Variants in FRK observed in about 807,000 individuals in gnomAD.
The protein encoded by FRK is tyrosine-protein kinase FRK.
A neutral mutation model predicts 56.4 loss-of-function variants in FRK; 51 were observed. The ratio of observed to expected loss-of-function variants is 0.90; its 90% confidence interval spans 0.72 to 1.14. The LOEUF (loss-of-function observed/expected upper bound fraction) is 1.14, where lower values mean the gene tolerates loss of function less well. Among genes scored for constraint, FRK ranks in the 50% most tolerant of loss-of-function variants. FRK has a pLI of 0.00. For missense variants in FRK, 570 were observed against 601.4 expected (o/e 0.95, Z 0.55); for synonymous variants, 245 against 217.9 (o/e 1.12, Z -1.10).
intron 4 of FRK, among the ~76,000 whole-genome samples, chr6:115,958,104 C>T (rs1196799062): frequency 1.3e-5 from 2 of 152,156 alleles, no homozygotes; most frequent in Non-Finnish European, 1.5e-5. Context: ...TCCATCAATT[C>T]CATCTCTACC....
chr6:115,937,594 A>G lies in FRK; in HGVS notation c.*4820T>C, dbSNP rs2114494169. Reference sequence around the variant, plus strand: ...CAGGAGACCCATCTCACATGCAAAGAGACACACAGGCTCAAGATAAAGGGA... The same window carrying G: ...CAGGAGACCCATCTCACATGCAAAGGGACACACAGGCTCAAGATAAAGGGA... On this transcript the variant is annotated 3_prime_UTR_variant, in exon 8 of 8. Transcript: ENST00000606080. 6.6e-6 allele frequency: 1 copy of G among 152,346 alleles called. No homozygotes were observed. The highest frequency in any genetic ancestry group is 3.4e-3 in the Middle Eastern group (1 of 294). 9.4% of individuals were successfully genotyped at this position (152,346 alleles called of 1,614,324 possible).
At chr6:116,016,273 C>G (rs1775650244) in intron 1 of FRK, among the ~76,000 whole-genome samples, 1 of 152,120 alleles carries the variant, frequency 6.6e-6, no homozygotes, top group Admixed American at 6.6e-5. Context: ...GGCCAAAGTA[C>G]AGCAGAGCAC....
chr6:115,990,593 C>T (rs1251262723), intron 2 of FRK, among the ~76,000 whole-genome samples: 1 of 151,480 alleles, frequency 6.6e-6, no homozygotes, highest in Non-Finnish European at 1.5e-5. Flanking sequence ...GGCTATGTGG[C>T]TTTATTCTTG....
intron 1 of FRK, among the ~76,000 whole-genome samples, chr6:116,041,210 A>G (rs1776695895): frequency 6.6e-6 from 1 of 152,192 alleles, no homozygotes; most frequent in African/African-American, 2.4e-5. Context: ...GCTATAAACT[A>G]TTGCATAACA....
chr6:116,026,557 AG>A (rs1776098352), intron 1 of FRK, among the ~76,000 whole-genome samples: 3 of 150,284 alleles, frequency 2.0e-5, no homozygotes, highest in East Asian at 3.9e-4. Flanking sequence ...GAAGGAAGGA[AG>A]GAAGGAAGGA....
intron 1 of FRK, chr6:116,039,159 T>C: frequency 9.6e-7 from 1 of 1,040,192 alleles, no homozygotes; most frequent in Non-Finnish European, 1.5e-6. Context: ...GAAAGGGAAG[T>C]GGCATCACTG....
chr6:116,002,669 A>G (rs1209942621), intron 2 of FRK: 1 of 454,924 alleles, frequency 2.2e-6, no homozygotes, highest in South Asian at 1.6e-5. Context: ...AACTGTCAGA[A>G]CTAGCATACT....
At chr6:115,962,231 G>T (rs1411680308) in intron 4 of FRK, among the ~76,000 whole-genome samples, 4 of 134,244 alleles carry the variant, frequency 3.0e-5, no homozygotes, top group Admixed American at 7.4e-5. Context: ...ACAAAAAAAG[G>T]CAGGGGTTGC....
At chr6:116,013,946 T>C (rs1775557615) in intron 1 of FRK, among the ~76,000 whole-genome samples, 1 of 152,106 alleles carries the variant, frequency 6.6e-6, no homozygotes, top group African/African-American at 2.4e-5. Context: ...CTAGAGGTGA[T>C]ATTCAAAATA....
chr6:116,074,436 T>C, the FRK span, among the ~76,000 whole-genome samples: 1 of 152,210 alleles, frequency 6.6e-6, no homozygotes, highest in Non-Finnish European at 1.5e-5. Flanking sequence ...TCATTTTATG[T>C]AACTGATGAA....
At chr6:116,049,475 T>C (rs1777109131) in intron 1 of FRK, among the ~76,000 whole-genome samples, 2 of 152,198 alleles carry the variant, frequency 1.3e-5, no homozygotes, top group Non-Finnish European at 2.9e-5. Context: ...ATAAATTCTC[T>C]GGGGCACAAA....
At chr6:116,089,983 A>G in the FRK span, among the ~76,000 whole-genome samples, 2 of 152,268 alleles carry the variant, frequency 1.3e-5, no homozygotes, top group Non-Finnish European at 2.9e-5. Context: ...AAATAAAAAT[A>G]TAGAATATCA....
chr6:116,066,086 A>G, the FRK span, among the ~76,000 whole-genome samples: 4 of 152,178 alleles, frequency 2.6e-5, no homozygotes, highest in Non-Finnish European at 5.9e-5. Context: ...GAAGGATGCA[A>G]AGTATTGATC....
intron 2 of FRK, among the ~76,000 whole-genome samples, chr6:115,970,608 G>A (rs887664828): frequency 2.6e-5 from 4 of 152,180 alleles, no homozygotes; most frequent in Admixed American, 1.3e-4. Context: ...TTATTAAAAA[G>A]CAAGGCTAAG....
intron 1 of FRK, among the ~76,000 whole-genome samples, chr6:116,020,162 C>T (rs1775810788): frequency 6.6e-6 from 1 of 152,014 alleles, no homozygotes; most frequent in African/African-American, 2.4e-5. Flanking sequence ...ATCATTGTGA[C>T]ATGAAGAGCC....
intron 1 of FRK, among the ~76,000 whole-genome samples, chr6:116,049,744 T>A (rs1265166603): frequency 6.6e-6 from 1 of 152,208 alleles, no homozygotes; most frequent in Non-Finnish European, 1.5e-5. Flanking sequence ...GCAAGTTAAG[T>A]TATTTGTATG....
intron 5 of FRK, among the ~76,000 whole-genome samples, chr6:115,952,107 C>T (rs374823570): frequency 5.3e-5 from 8 of 151,688 alleles, no homozygotes; most frequent in South Asian, 2.1e-4. Context: ...GAGTAGGTTG[C>T]GAAAATTTTC....
At chr6:116,079,545 G>A in the FRK span, among the ~76,000 whole-genome samples, 1 of 151,684 alleles carries the variant, frequency 6.6e-6, no homozygotes, top group East Asian at 1.9e-4. Context: ...TTCATTGTAG[G>A]TACATTTAAA....
At chr6:115,984,253 C>A (rs1199056929) in intron 2 of FRK, among the ~76,000 whole-genome samples, 1 of 152,096 alleles carries the variant, frequency 6.6e-6, no homozygotes, top group Non-Finnish European at 1.5e-5. Context: ...GAGACCATGT[C>A]TTCTTTATTA....
Sources: allele counts gnomAD v4.1 joint callset (sites outside exome capture counted in the v4.1 genomes callset), GRCh38; gene constraint gnomAD v4.1.1; transcripts MANE v1.5; gene names NCBI Gene and HGNC (gene_info 2026-07-23, HGNC 2026-07-21).